The following VWA3B variants were observed in gnomAD, a reference collection of about 807,000 sequenced individuals.
The protein encoded by VWA3B is von Willebrand factor A domain-containing protein 3B.
Under a neutral mutation model 158.3 loss-of-function variants are expected in VWA3B, and 138 were observed. The observed-to-expected ratio is 0.87, with a 90% confidence interval of 0.76 to 1.00. The LOEUF is 1.00. Ranked by LOEUF, VWA3B falls within the 50% of genes least tolerant of loss-of-function variation. VWA3B has a pLI of 0.00. For synonymous variants in VWA3B, 596 were observed against 587.3 expected, an observed-to-expected ratio of 1.01 and a Z score of -0.21; for missense variants, 1,555 against 1,565.1, an observed-to-expected ratio of 0.99 and a Z score of 0.11.
intron 6 of VWA3B, 161 bp from the exon 7 acceptor site, chr2:98,133,663 T>G: frequency 1.6e-6 from 1 of 640,104 alleles, no homozygotes; most frequent in South Asian, 2.0e-5. Flanking sequence ...CCCTGTCTTT[T>G]GCTTGTGGAA....
intron 7 of VWA3B, among the ~76,000 whole-genome samples, chr2:98,144,615 G>A (rs905518687): frequency 6.6e-6 from 1 of 150,442 alleles, no homozygotes; most frequent in Non-Finnish European, 1.5e-5. Context: ...GGCCCAGGCT[G>A]TAGTGCAGTG....
intron 13 of VWA3B, among the ~76,000 whole-genome samples, chr2:98,215,782 C>T (rs1264676322): frequency 6.6e-6 from 1 of 152,262 alleles, no homozygotes; most frequent in Admixed American, 6.5e-5. Flanking sequence ...TCTCAAAGTG[C>T]TGGGATTAAA....
At chr2:98,241,318 G>T (rs1454946361) in intron 19 of VWA3B, among the ~76,000 whole-genome samples, 1 of 152,024 alleles carries the variant, frequency 6.6e-6, no homozygotes, top group Non-Finnish European at 1.5e-5. Context: ...GGCCTTGATT[G>T]AATTAAGGAT....
intron 1 of VWA3B, among the ~76,000 whole-genome samples, chr2:98,088,395 C>A (rs975330667): frequency 6.6e-6 from 1 of 152,166 alleles, no homozygotes; most frequent in Non-Finnish European, 1.5e-5. Context: ...ACAAGACTGT[C>A]GCCCAGGGCA....
chr2:98,297,004 A>G (rs1392485413), intron 23 of VWA3B, among the ~76,000 whole-genome samples: 1 of 151,610 alleles, frequency 6.6e-6, no homozygotes, highest in Non-Finnish European at 1.5e-5. Context: ...AAAAACCGCA[A>G]TTATTTTTAT....
At chr2:98,284,497 TA>T (rs1415436630) in intron 22 of VWA3B, among the ~76,000 whole-genome samples, 2 of 152,222 alleles carry the variant, frequency 1.3e-5, no homozygotes. Flanking sequence ...TTTAAATTTT[TA>T]TAGCCAACTG....
intron 24 of VWA3B, among the ~76,000 whole-genome samples, chr2:98,298,238 CCT>C (rs1318291710): frequency 2.0e-5 from 3 of 152,172 alleles, no homozygotes; most frequent in Non-Finnish European, 4.4e-5. Context: ...CTGCCAACTC[CCT>C]GTTATGTAGC....
chr2:98,302,893 C>A (rs1018639578), intron 25 of VWA3B, among the ~76,000 whole-genome samples: 1 of 152,158 alleles, frequency 6.6e-6, no homozygotes, highest in Non-Finnish European at 1.5e-5. Flanking sequence ...TCAGAGCCAG[C>A]GGCCACTGGA....
At chr2:98,317,831 A>G (rs1691122074), downstream of VWA3B, among the ~76,000 whole-genome samples, 1 of 152,206 alleles carries the variant, frequency 6.6e-6, no homozygotes, top group African/African-American at 2.4e-5. Flanking sequence ...ATGGTCACTC[A>G]TATTTGGCTC....
intron 14 of VWA3B, among the ~76,000 whole-genome samples, chr2:98,222,530 G>T (rs1684594640): frequency 6.6e-6 from 1 of 152,200 alleles, no homozygotes; most frequent in African/African-American, 2.4e-5. Flanking sequence ...GGAAGAACAG[G>T]CAGGAGAGGC....
chr2:98,198,082 A>G (rs1682213491), intron 12 of VWA3B, among the ~76,000 whole-genome samples: 1 of 151,860 alleles, frequency 6.6e-6, no homozygotes, highest in Non-Finnish European at 1.5e-5. Context: ...AAACATCTAT[A>G]TTTATTTATC....
intron 2 of VWA3B, among the ~76,000 whole-genome samples, chr2:98,101,053 A>G (rs948561069): frequency 6.6e-6 from 1 of 152,220 alleles, no homozygotes; most frequent in Non-Finnish European, 1.5e-5. Flanking sequence ...ATTTGTATTT[A>G]CTGATAGCCC....
the VWA3B span, among the ~76,000 whole-genome samples, chr2:98,324,304 A>G: frequency 6.6e-6 from 1 of 152,146 alleles, no homozygotes; most frequent in South Asian, 2.1e-4. Context: ...CTGGGACTAC[A>G]GGAATGCACC....
chr2:98,298,862 T>C (rs549994386), intron 24 of VWA3B, among the ~76,000 whole-genome samples: 1 of 152,322 alleles, frequency 6.6e-6, no homozygotes, highest in East Asian at 1.9e-4. Flanking sequence ...CTACCCCTTA[T>C]CTGGATGAAG....
downstream of VWA3B, among the ~76,000 whole-genome samples, chr2:98,314,091 A>G (rs931428608): frequency 2.6e-5 from 4 of 152,196 alleles, no homozygotes; most frequent in Non-Finnish European, 4.4e-5. Context: ...AGCCCTGTGC[A>G]TTTCCCAGTC....
At chr2:98,204,217 ATTTG>A (rs1244607499) in intron 12 of VWA3B, among the ~76,000 whole-genome samples, 2 of 152,178 alleles carry the variant, frequency 1.3e-5, no homozygotes, top group African/African-American at 2.4e-5. Flanking sequence ...AGACAGTAGT[ATTTG>A]TTTGTTTGTT....
chr2:98,104,856 T>C (rs563462781), intron 2 of VWA3B, among the ~76,000 whole-genome samples: 1 of 152,346 alleles, frequency 6.6e-6, no homozygotes, highest in Non-Finnish European at 1.5e-5. Flanking sequence ...CCACTAAAAG[T>C]AGATTTCATA....
At chr2:98,250,268 G>C in intron 19 of VWA3B, 50 bp from the exon 20 acceptor site, 1 of 1,418,366 alleles carries the variant, frequency 7.1e-7, no homozygotes, top group Non-Finnish European at 9.8e-7. Flanking sequence ...TCGAAGGCAC[G>C]CATTAACCTA....
At chr2:98,309,179 A>T (rs1221236296) in intron 26 of VWA3B, among the ~76,000 whole-genome samples, 2 of 151,794 alleles carry the variant, frequency 1.3e-5, no homozygotes, top group South Asian at 4.1e-4. Flanking sequence ...AAAAAAAAAA[A>T]AAGAAAAAAG....
Sources: gnomAD v4.1 joint callset for allele counts (sites outside exome capture counted in the v4.1 genomes callset) on GRCh38, gnomAD v4.1.1 for gene constraint, MANE v1.5 for transcripts, NCBI Gene and HGNC (gene_info 2026-07-23, HGNC 2026-07-21) for gene names.